CRKL: variants seen among roughly 807,000 people sequenced by gnomAD.
CRKL encodes CRK like proto-oncogene, adaptor protein.
In CRKL, 3 loss-of-function variants were observed where a neutral mutation model predicts 23.0. The ratio of observed to expected loss-of-function variants is 0.13; its 90% confidence interval spans 0.06 to 0.34. The LOEUF is 0.34. Ranked by LOEUF, CRKL falls within the 10% of genes least tolerant of loss-of-function variation. The probability of loss-of-function intolerance (pLI) is 1.00; values close to 1 mark genes in which losing one functional copy is unlikely to be tolerated. For synonymous variants in CRKL, 188 were observed against 160.7 expected, an observed-to-expected ratio of 1.17 and a Z score of -1.28; for missense variants, 256 against 394.5, an observed-to-expected ratio of 0.65 and a Z score of 2.97.
At chr22:20,946,298 C>G (rs1922050624) in intron 2 of CRKL, among the ~76,000 whole-genome samples, 1 of 152,114 alleles carries the variant, frequency 6.6e-6, no homozygotes, top group South Asian at 2.1e-4. Context: ...GGACAACACT[C>G]TGGACAAGTA....
intron 1 of CRKL, among the ~76,000 whole-genome samples, chr22:20,933,211 A>G (rs1324160175): frequency 6.6e-6 from 1 of 152,086 alleles, no homozygotes; most frequent in African/African-American, 2.4e-5. Flanking sequence ...TCTACTAAAA[A>G]TAGAAAAAAT....
At position 20,917,611 on chromosome 22, in the gene CRKL, TGGAGGCACC is replaced by T. The variant is rs1240522622; in HGVS notation, c.-323_-315del. 2.7e-6 allele frequency: 1 copy of T among 377,232 alleles called. No homozygotes were observed. Among genetic ancestry groups the T allele is most frequent in the Admixed American group, 4.5e-5 (1 of 22,224 alleles). The allele number at this position is 377,232 out of a possible 1,614,324, so 23.4% of individuals were successfully genotyped here. A position where few individuals can be genotyped will look rare whatever the true frequency, so the allele number is the denominator to read the frequency against. On this transcript the variant is annotated 5_prime_UTR_variant, in exon 1 of 3. Coordinates refer to ENST00000354336, the MANE Select transcript of CRKL (RefSeq NM_005207.4). The stretch of plus-strand genomic sequence containing the variant: ...CGGCGCGTTCCAGGCCGGGAGTCAC[TGGAGGCACC>T]CCTGGGACGCCGAGCAGCCCGAGAA...
rs759166693 is a variant in CRKL at position 20,933,990 on chromosome 22, G to C, written c.523G>C (p.Val175Leu). The C allele has an allele frequency of 1.2e-6, 2 of 1,614,150 alleles. No homozygotes were observed. Among genetic ancestry groups the C allele is most frequent in the Admixed American group, 3.3e-5 (2 of 60,014 alleles). The change falls in exon 2 of 3, where the codon GTC (valine) becomes CTC (leucine). Residue 175 changes from valine to leucine, a missense_variant. Physicochemically the swap from Val to Leu is conservative, Grantham distance 32. Around this residue, in one of 3 missense-constraint regions of CRKL, gnomAD observed 129 missense variants for 222.1 expected, o/e 0.58. Transcript: ENST00000354336. Reference protein sequence around the residue: ...NKDGRVGMIPVPYVEKLVRSS... With the variant: ...NKDGRVGMIPLPYVEKLVRSS... Reference sequence around the variant, plus strand: ...GGATGGCCGGGTTGGGATGATTCCTGTCCCTTATGTCGAAAAGCTTGTGAG... The same window carrying C: ...GGATGGCCGGGTTGGGATGATTCCTCTCCCTTATGTCGAAAAGCTTGTGAG...
At chr22:20,923,190 G>A (rs760888364) in intron 1 of CRKL, among the ~76,000 whole-genome samples, 3 of 152,054 alleles carry the variant, frequency 2.0e-5, no homozygotes, top group Non-Finnish European at 2.9e-5. Flanking sequence ...AGCAGACTTT[G>A]AGCATTACAT....
rs1441196517 is a variant in CRKL, at chr22:20,951,790, T to C, written c.*1945T>C. 4 of 220,724 alleles carry C rather than the reference T, an allele frequency of 1.8e-5. No individual in the cohort carries two copies. In the South Asian group the frequency reaches 5.5e-4, roughly 31 times the overall value. 13.7% of individuals were successfully genotyped at this position (220,724 alleles called of 1,614,324 possible). On this transcript the variant is annotated 3_prime_UTR_variant, in exon 3 of 3. Coordinates refer to ENST00000354336, the MANE Select transcript of CRKL (RefSeq NM_005207.4). The stretch of plus-strand genomic sequence containing the variant: ...CTGCTGTATTCATGAATCTTGAGAG[T>C]GTTCCTGAGACAGAATTAATGGTCA...
intron 1 of CRKL, among the ~76,000 whole-genome samples, chr22:20,931,630 C>T (rs1921456871): frequency 6.6e-6 from 1 of 152,044 alleles, no homozygotes; most frequent in South Asian, 2.1e-4. Context: ...CAAGTCTAAC[C>T]TCTTCTTTGG....
At chr22:20,929,502 C>T (rs1427707663) in intron 1 of CRKL, among the ~76,000 whole-genome samples, 8 of 141,106 alleles carry the variant, frequency 5.7e-5, no homozygotes, top group African/African-American at 1.1e-4. Flanking sequence ...CTCTGTCTGT[C>T]GCCCAGGCTG....
intron 2 of CRKL, among the ~76,000 whole-genome samples, chr22:20,947,939 T>C (rs5752304): frequency 0.85 from 129,183 of 151,550 alleles, 55,229 homozygotes; most frequent in East Asian, 1. Context: ...CCACTTCAGC[T>C]TCCCAAAGTG....
intron 1 of CRKL, among the ~76,000 whole-genome samples, chr22:20,924,019 C>T (rs977348926): frequency 6.6e-6 from 1 of 151,766 alleles, no homozygotes. Flanking sequence ...AGACCCCATT[C>T]CCACAAAAAA....
chr22:20,940,525 G>A (rs1921832071), intron 2 of CRKL, among the ~76,000 whole-genome samples: 1 of 149,532 alleles, frequency 6.7e-6, no homozygotes, highest in South Asian at 2.1e-4. Flanking sequence ...CAGTGTGTTT[G>A]GTCAGCTCTT....
rs1206485522 is a variant in CRKL at position 20,950,926 on chromosome 22, G to C, written c.*1081G>C. ...CAACACACAAAATAATGCAGTTGTG[G>C]TGTGCCATGCTATGTGCACAGCCCC... is the stretch of plus-strand genomic sequence containing the variant. On this transcript the variant is annotated 3_prime_UTR_variant, in exon 3 of 3. Coordinates refer to ENST00000354336, the MANE Select transcript of CRKL (RefSeq NM_005207.4). 1.7e-5 allele frequency: 4 copies of C among 232,162 alleles called. No individual in the cohort carries two copies. Among genetic ancestry groups the C allele is most frequent in the Non-Finnish European group, 3.4e-5 (4 of 117,474 alleles). The allele number at this position is 232,162 out of a possible 1,614,324, so 14.4% of individuals were successfully genotyped here.
At chr22:20,920,942 C>G (rs1920985762) in intron 1 of CRKL, among the ~76,000 whole-genome samples, 1 of 152,160 alleles carries the variant, frequency 6.6e-6, no homozygotes, top group Non-Finnish European at 1.5e-5. Flanking sequence ...TTTCATTTTC[C>G]TAGGTATCTC....
rs527727279 is a variant in CRKL at position 20,923,467 on chromosome 22, C to T, written c.311+5222C>T. ...TAACTTTTTGTATTTTTAGTAGAGA[C>T]GGGGTTTCACCGTGTTAGCCAGGAT... is the stretch of plus-strand genomic sequence containing the variant. On this transcript the variant is annotated intron_variant, in intron 1 of 2. Coordinates refer to ENST00000354336, the MANE Select transcript of CRKL (RefSeq NM_005207.4). Among the ~76,000 whole-genome samples the T allele has an allele frequency of 9.2e-5, 14 of 151,714 alleles. 1 individual carries two copies. Among genetic ancestry groups the T allele is most frequent in the Admixed American group, 2.0e-4 (3 of 15,198 alleles).
At chr22:20,946,712 A>AC (rs1341380572) in intron 2 of CRKL, among the ~76,000 whole-genome samples, 81 of 78,560 alleles carry the variant, frequency 1.0e-3, no homozygotes, top group African/African-American at 2.3e-3. Context: ...GGTGTAGAGC[A>AC]CCCCTCCCTC....
intron 2 of CRKL, among the ~76,000 whole-genome samples, chr22:20,945,291 C>T (rs2147914824): frequency 6.6e-6 from 1 of 152,288 alleles, no homozygotes; most frequent in South Asian, 2.1e-4. Context: ...CCGCACCCGG[C>T]TTGGAATTAC....
rs139518523 is a variant in CRKL at position 20,918,108 on chromosome 22, C to T, written c.174C>T (p.Val58=). 8.7e-6 allele frequency: 14 copies of T among 1,614,216 alleles called. No homozygotes were observed. In the African/African-American group the frequency reaches 1.7e-4, roughly 20 times the overall value. ...YVLSVSENSR[V]SHYIINSLPN... The stretch of plus-strand genomic sequence containing the variant: ...TGTCGGTGTCCGAGAACTCGCGGGT[C>T]TCCCACTACATCATCAACTCGCTGC... The change falls in exon 1 of 3, where the codon GTC becomes GTT. Residue 58 remains valine (V), a synonymous_variant. Coordinates refer to ENST00000354336, the MANE Select transcript of CRKL (RefSeq NM_005207.4).
chr22:20,926,097 G>C (rs1921192867), intron 1 of CRKL, among the ~76,000 whole-genome samples: 1 of 152,176 alleles, frequency 6.6e-6, no homozygotes, highest in Non-Finnish European at 1.5e-5. Context: ...ACAAGTATAC[G>C]AGGTAGAAGA....
rs1479479199 is a variant in CRKL, at chr22:20,934,119, G to A, written c.652G>A (p.Ala218Thr). 6.2e-7 allele frequency: 1 copy of A among 1,614,172 alleles called. No individual in the cohort carries two copies. Among genetic ancestry groups the A allele is most frequent in the South Asian group, 1.1e-5 (1 of 91,076 alleles). Residue 218 changes from alanine to threonine, a missense_variant, in exon 2 of 3, where the codon GCA becomes ACA. Around this residue, in one of 3 missense-constraint regions of CRKL, gnomAD observed 129 missense variants for 222.1 expected, o/e 0.58. Coordinates refer to ENST00000354336, the MANE Select transcript of CRKL (RefSeq NM_005207.4). ...AQPQTTTPLPAVSGSPGAAIT... is the reference protein window; with the variant it reads ...AQPQTTTPLPTVSGSPGAAIT... Reference sequence around the variant, plus strand: ...ACCTCAGACCACAACTCCTCTACCTGCAGTTTCCGGTTCTCCTGGGGCAGC... The same window carrying A: ...ACCTCAGACCACAACTCCTCTACCTACAGTTTCCGGTTCTCCTGGGGCAGC...
chr22:20,932,038 C>T (rs1921475089), intron 1 of CRKL, among the ~76,000 whole-genome samples: 1 of 151,946 alleles, frequency 6.6e-6, no homozygotes, highest in Non-Finnish European at 1.5e-5. Flanking sequence ...GTCTCGATCT[C>T]CTGACCTCAT....
Sources: allele counts gnomAD v4.1 joint callset (sites outside exome capture counted in the v4.1 genomes callset), GRCh38; gene constraint gnomAD v4.1.1; regional missense constraint gnomAD v4.1.1; transcripts MANE v1.5; gene names NCBI Gene and HGNC (gene_info 2026-07-23, HGNC 2026-07-21).